Variants in DCTN1 observed in about 807,000 individuals in gnomAD.
DCTN1 encodes dynactin subunit 1, also known as 150 kDa dynein-associated polypeptide.
DCTN1 carries 61 observed loss-of-function variants against 161.2 expected under a neutral mutation model. That is an observed-to-expected ratio of 0.38 (90% CI 0.31 to 0.47). The LOEUF (loss-of-function observed/expected upper bound fraction) is 0.47, where lower values mean the gene tolerates loss of function less well. Among genes scored for constraint, DCTN1 ranks in the 20% least tolerant of loss-of-function variants. The pLI, the probability that DCTN1 is intolerant of heterozygous loss-of-function variation, is 0.99. For missense variants in DCTN1, 1,404 were observed against 1,623.7 expected, an observed-to-expected ratio of 0.86 and a Z score of 2.33; for synonymous variants, 653 against 632.4, an observed-to-expected ratio of 1.03 and a Z score of -0.49.
intron 26 of DCTN1, 135 bp downstream of exon 26, chr2:74,364,940 G>A: frequency 1.8e-6 from 2 of 1,134,752 alleles, no homozygotes; most frequent in Non-Finnish European, 2.6e-6. Context: ...AACTGGCACA[G>A]AGTGAAACTG....
At chr2:74,365,767 T>C (rs1049448766) in intron 24 of DCTN1, 110 bp from the exon 25 acceptor site, 47 of 1,610,722 alleles carry the variant, frequency 2.9e-5, no homozygotes, top group African/African-American at 1.1e-4. Context: ...ACAGCTCCCA[T>C]TGATTGCAGG....
At chr2:74,391,590 G>A (rs1314354149) in intron 1 of DCTN1, 7 of 344,446 alleles carry the variant, frequency 2.0e-5, no homozygotes, top group Non-Finnish European at 4.0e-5. Flanking sequence ...GATCCCAGGA[G>A]AACAATGCTA....
intron 26 of DCTN1, chr2:74,363,836 T>C: frequency 1.5e-6 from 1 of 676,640 alleles, no homozygotes; most frequent in Non-Finnish European, 2.7e-6. Flanking sequence ...CAAACAGGAG[T>C]GAGGCCACAA....
intron 5 of DCTN1, among the ~76,000 whole-genome samples, chr2:74,376,481 T>G (rs1675230516): frequency 6.6e-6 from 1 of 152,218 alleles, no homozygotes; most frequent in Non-Finnish European, 1.5e-5. Flanking sequence ...CAAATGCTTA[T>G]AGTTTTTGAT....
Position 74,361,260 on chromosome 2 carries a change from G to A in DCTN1, c.*239C>T, listed in dbSNP as rs140263124. 1.5e-6 allele frequency: 1 copy of A among 666,952 alleles called. No homozygotes were observed. Among genetic ancestry groups the A allele is most frequent in the Non-Finnish European group, 2.7e-6 (1 of 367,726 alleles). The allele number at this position is 666,952 out of a possible 1,614,324, so 41.3% of individuals were successfully genotyped here. A position where few individuals can be genotyped will look rare whatever the true frequency, so the allele number is the denominator to read the frequency against. ...CAGCCTACCCCCCACAAGCCCTGAG[G>A]CCCCTCAGGAAGGAGGGAGCAGTTG... On this transcript the variant is annotated 3_prime_UTR_variant, in exon 32 of 32. Coordinates refer to ENST00000628224, the MANE Select transcript of DCTN1 (RefSeq NM_004082.5).
intron 16 of DCTN1, 172 bp from the exon 17 acceptor site, chr2:74,368,303 T>A: frequency 1.2e-6 from 1 of 839,206 alleles, no homozygotes; most frequent in Admixed American, 2.3e-5. Context: ...AGGGTAGTGA[T>A]GTGATTACTG....
chr2:74,385,032 T>C (rs948899778), upstream of DCTN1: 1 of 152,214 alleles, frequency 6.6e-6, no homozygotes. Flanking sequence ...ACAGAGCTTT[T>C]TGTTCCTAGG....
Position 74,367,095 on chromosome 2 carries a change from C to G in DCTN1, c.2266G>C (p.Ala756Pro). 1 of 1,614,204 alleles carries G rather than the reference C, an allele frequency of 6.2e-7. No homozygotes were observed. Among genetic ancestry groups the G allele is most frequent in the Non-Finnish European group, 8.5e-7 (1 of 1,180,034 alleles). ...LADHIKFTQS[A>P]LDCMSVEVGR... is the part of the protein sequence containing the mutation. Reference sequence around the variant, plus strand: ...ACCTCCACACTCATGCAGTCCAGAGCACTCTGCGTGAACTGTGAGGATAGA... The same window carrying G: ...ACCTCCACACTCATGCAGTCCAGAGGACTCTGCGTGAACTGTGAGGATAGA... Residue 756 changes from alanine (A) to proline (P), a missense_variant, in exon 20 of 32, where the codon GCT becomes CCT. Ala to Pro is a conservative substitution (Grantham distance 27, BLOSUM62 -1). Around this residue, in one of 9 missense-constraint regions of DCTN1, gnomAD observed 475 missense variants for 489.8 expected, o/e 0.97. Transcript: ENST00000628224.
At chr2:74,389,566 TCTC>T (rs1227084939) in intron 1 of DCTN1, among the ~76,000 whole-genome samples, 1 of 152,188 alleles carries the variant, frequency 6.6e-6, no homozygotes, top group Non-Finnish European at 1.5e-5. Flanking sequence ...AACAACTTCT[TCTC>T]CTTTGTACCC....
At chr2:74,380,610 T>A (rs1484576679), upstream of DCTN1, 1 of 470,528 alleles carries the variant, frequency 2.1e-6, no homozygotes, top group Non-Finnish European at 4.4e-6. Context: ...AAAATAAGGG[T>A]CTCTCATCTA....
intron 6 of DCTN1, chr2:74,373,197 C>A: frequency 3.5e-6 from 2 of 572,658 alleles, no homozygotes; most frequent in Non-Finnish European, 6.3e-6. Flanking sequence ...GCAGGCCTCA[C>A]CCCTTCAGAC....
chr2:74,362,285 A>C, intron 30 of DCTN1, 144 bp from the exon 31 acceptor site: 1 of 719,550 alleles, frequency 1.4e-6, no homozygotes, highest in Non-Finnish European at 2.4e-6. Context: ...CTCATCTCCA[A>C]CCCCATCCCC....
chr2:74,365,212 T>A lies in DCTN1; in HGVS notation c.3059A>T (p.Gln1020Leu). The change falls in exon 26 of 32, where the codon CAG becomes CTG. Residue 1020 changes from glutamine (Q) to leucine (L), a missense_variant. Transcript: ENST00000628224. ...KEFEETMDAL[Q>L]ADIDQLEAEK... Reference sequence around the variant, plus strand: ...TGCCTCCAGCTGGTCGATGTCAGCCTGGAGTGCATCCATTGTCTCCTCAAA... The same window carrying A: ...TGCCTCCAGCTGGTCGATGTCAGCCAGGAGTGCATCCATTGTCTCCTCAAA... The A allele has an allele frequency of 6.2e-7, 1 of 1,614,210 alleles. No individual in the cohort carries two copies. Among genetic ancestry groups the A allele is most frequent in the East Asian group, 2.2e-5 (1 of 44,890 alleles).
intron 5 of DCTN1, chr2:74,374,838 T>C: frequency 1.2e-6 from 1 of 836,992 alleles, no homozygotes; most frequent in Non-Finnish European, 1.5e-6. Flanking sequence ...AGAACAGGTT[T>C]TGGCTCCTCT....
Position 74,370,621 on chromosome 2 carries a change from C to T in DCTN1, c.1048G>A (p.Gly350Ser), listed in dbSNP as rs1379095890. 6.2e-7 allele frequency: 1 copy of T among 1,614,188 alleles called. No individual in the cohort carries two copies. Among genetic ancestry groups the T allele is most frequent in the Admixed American group, 1.7e-5 (1 of 60,028 alleles). The change falls in exon 10 of 32, where the codon GGC becomes AGC. Residue 350 changes from glycine to serine, a missense_variant and splice_region_variant. This residue lies in a region of DCTN1 where 278 missense variants were observed against 363.8 expected (regional missense o/e 0.76). Coordinates refer to ENST00000628224, the MANE Select transcript of DCTN1 (RefSeq NM_004082.5). The surrounding 1 kb of genome is among the most constrained non-coding windows in gnomAD (Gnocchi z 4.4). ...CCCCCAGCAGCTGTGGGCCCCTTACCCTTCTCTTCAATCTCAGCCTTGAGG... is the reference window on the plus strand; with the variant it reads ...CCCCCAGCAGCTGTGGGCCCCTTACTCTTCTCTTCAATCTCAGCCTTGAGG... ...EILKAEIEEK[G>S]SDGAASSYQL...
At chr2:74,380,591 C>A (rs1044699355), upstream of DCTN1, 1 of 471,494 alleles carries the variant, frequency 2.1e-6, no homozygotes, top group South Asian at 1.5e-5. Context: ...CTAGAGCCTC[C>A]ACACAGCCAA....
In DCTN1 at chr2:74,361,426, G is replaced by A. The variant is rs750648692; in HGVS notation, c.*73C>T. ...CCACGTTTCTACCTGGGGGCTGGCT[G>A]AGGTGGCTGTGCATCGGGCAGAGCG... On this transcript the variant is annotated 3_prime_UTR_variant, in exon 32 of 32. Coordinates refer to ENST00000628224, the MANE Select transcript of DCTN1 (RefSeq NM_004082.5). 76 of 1,606,748 alleles carry A rather than the reference G, an allele frequency of 4.7e-5. No individual in the cohort carries two copies. The highest frequency in any genetic ancestry group is 6.2e-5 in the Non-Finnish European group (73 of 1,176,140).
Position 74,365,919 on chromosome 2 carries a change from C to G in DCTN1, c.2860G>C (p.Glu954Gln). The G allele has an allele frequency of 6.2e-7, 1 of 1,614,240 alleles. No homozygotes were observed. The highest frequency in any genetic ancestry group is 8.5e-7 in the Non-Finnish European group (1 of 1,180,032). The change falls in exon 24 of 32, where the codon GAG becomes CAG. Residue 954 changes from glutamate (E) to glutamine (Q), a missense_variant. Physicochemically the swap from Glu to Gln is conservative, Grantham distance 29. Coordinates refer to ENST00000628224, the MANE Select transcript of DCTN1 (RefSeq NM_004082.5). Reference sequence around the variant, plus strand: ...TTAATCTTGAGTGACTTCTTCAACTCCTTAATAACTGTCTCTCGATCTTCG... The same window carrying G: ...TTAATCTTGAGTGACTTCTTCAACTGCTTAATAACTGTCTCTCGATCTTCG... ...KLEDRETVIK[E>Q]LKKSLKIKGE...
intron 16 of DCTN1, 51 bp from the exon 17 acceptor site, chr2:74,368,182 C>G: frequency 6.4e-7 from 1 of 1,552,628 alleles, no homozygotes; most frequent in Non-Finnish European, 8.7e-7. Flanking sequence ...GGATGGAGAA[C>G]AGAGACTCAG....
Sources: gnomAD v4.1 joint callset for allele counts (sites outside exome capture counted in the v4.1 genomes callset) on GRCh38, gnomAD v4.1.1 for gene constraint, gnomAD v4.1.1 regional missense constraint, Gnocchi (gnomAD v3.1) non-coding constraint, MANE v1.5 for transcripts, NCBI Gene and HGNC (gene_info 2026-07-23, HGNC 2026-07-21) for gene names.